The following NAV3 variants were observed in gnomAD, a reference collection of about 807,000 sequenced individuals.
NAV3 encodes neuron navigator 3.
NAV3 carries 87 observed loss-of-function variants against 244.7 expected under a neutral mutation model. The observed-to-expected ratio is 0.36, with a 90% CI of 0.30 to 0.42. The LOEUF (loss-of-function observed/expected upper bound fraction) is 0.42, where lower values mean the gene tolerates loss of function less well. Ranked by LOEUF, NAV3 falls within the 20% of genes least tolerant of loss-of-function variation. The pLI, the probability that NAV3 is intolerant of heterozygous loss-of-function variation, is 1.00. For missense variants in NAV3, 2,663 were observed against 2,893.3 expected (o/e 0.92, Z 1.83); for synonymous variants, 1,126 against 1,042.2 (o/e 1.08, Z -1.55).
intron 23 of NAV3, among the ~76,000 whole-genome samples, chr12:78,162,167 T>C (rs1029385587): frequency 6.6e-6 from 1 of 152,108 alleles, no homozygotes; most frequent in Non-Finnish European, 1.5e-5. Flanking sequence ...GGCATAACAT[T>C]TAATCATATT....
intron 1 of NAV3, among the ~76,000 whole-genome samples, chr12:77,847,787 T>C (rs948728391): frequency 2.0e-5 from 3 of 152,224 alleles, no homozygotes; most frequent in African/African-American, 7.2e-5. Context: ...GTTCTCTGCA[T>C]GTGTAGCTTG....
At chr12:78,206,854 C>CTTTTTTTTTTTTTTTTTTTTTTTT (rs10594185) in intron 39 of NAV3, among the ~76,000 whole-genome samples, 3 of 114,840 alleles carry the variant, frequency 2.6e-5, no homozygotes, top group Non-Finnish European at 3.5e-5. Context: ...TTCTTTCTTA[C>CTTTTTTTTTTTTTTTTTTTTTTTT]TTTTTTTTTT....
intron 23 of NAV3, among the ~76,000 whole-genome samples, chr12:78,164,231 T>A (rs1177161335): frequency 6.6e-6 from 1 of 152,056 alleles, no homozygotes; most frequent in African/African-American, 2.4e-5. Context: ...GAACATATGT[T>A]AAGGTATGAG....
At chr12:77,579,629 A>T (rs1311494061) in intron 2 of NAV3, among the ~76,000 whole-genome samples, 2 of 152,224 alleles carry the variant, frequency 1.3e-5, no homozygotes, top group African/African-American at 4.8e-5. Flanking sequence ...AATAATGGCA[A>T]TTAAATTTCA....
chr12:78,180,380 G>A (rs971431897), intron 29 of NAV3, among the ~76,000 whole-genome samples: 1 of 151,728 alleles, frequency 6.6e-6, no homozygotes, highest in African/African-American at 2.4e-5. Flanking sequence ...CCGATTGGAA[G>A]GAAAAAAAGA....
In NAV3 at chr12:78,197,330, T is replaced by C. The variant is rs1176695862; in HGVS notation, c.6375T>C (p.Leu2125=). The change falls in exon 35 of 40, where the codon CTT becomes CTC. Residue 2125 remains leucine, a synonymous_variant. Coordinates refer to ENST00000397909, the MANE Select transcript of NAV3 (RefSeq NM_001024383.2). Reference sequence around the variant, plus strand: ...TGGAGCTCCCAGTTGTAATAATTCTTGATAATCTTCATCATGTGGGCTCTC... The same window carrying C: ...TGGAGCTCCCAGTTGTAATAATTCTCGATAATCTTCATCATGTGGGCTCTC... The part of the protein sequence containing the change: ...NGVELPVVII[L]DNLHHVGSLS... 6.2e-7 allele frequency: 1 copy of C among 1,609,720 alleles called. No homozygotes were observed. The highest frequency in any genetic ancestry group is 1.3e-5 in the African/African-American group (1 of 74,902).
chr12:77,603,990 G>A (rs1435201532), intron 2 of NAV3, among the ~76,000 whole-genome samples: 2 of 152,096 alleles, frequency 1.3e-5, no homozygotes, highest in East Asian at 3.9e-4. Context: ...AGACAGGTTT[G>A]GAGAGTTCTT....
chr12:77,814,575 G>A (rs1872451851), intron 2 of NAV3, among the ~76,000 whole-genome samples: 1 of 152,100 alleles, frequency 6.6e-6, no homozygotes, highest in Admixed American at 6.6e-5. Flanking sequence ...GTTAAAGAAG[G>A]GCACAATAAA....
In NAV3 at chr12:77,794,626, T is replaced by C. The variant is rs192370797; in HGVS notation, c.73-145693T>C. ...CAAACGTTGCATTTTTTAAAAAAAC[T>C]AATTGAAGGTTTGTGGCAACCCTGC... On this transcript the variant is annotated intron_variant, in intron 2 of 8. Transcript: ENST00000550042. 3.9e-5 allele frequency among the ~76,000 whole-genome samples: 6 copies of C among 152,328 alleles called. No homozygotes were observed. In the East Asian group the frequency reaches 1.2e-3, roughly 29 times the overall value.
At chr12:77,755,652 T>TCCTC (rs1555201825) in intron 2 of NAV3, among the ~76,000 whole-genome samples, 1,821 of 59,524 alleles carry the variant, frequency 0.031, 375 homozygotes, top group African/African-American at 0.087. Flanking sequence ...CTTCCTTCCT[T>TCCTC]CCTTCCACTC....
At chr12:77,762,277 G>A (rs777895102) in intron 2 of NAV3, among the ~76,000 whole-genome samples, 10 of 152,052 alleles carry the variant, frequency 6.6e-5, no homozygotes, top group African/African-American at 9.7e-5. Flanking sequence ...GGGGCCTGTC[G>A]GTGGGTGGGG....
chr12:77,663,535 T>G (rs1486589434), intron 2 of NAV3, among the ~76,000 whole-genome samples: 5 of 151,784 alleles, frequency 3.3e-5, no homozygotes, highest in Admixed American at 3.3e-4. Flanking sequence ...TTTTTTTTTT[T>G]TTTGAGACAG....
chr12:77,877,375 A>T (rs1351216), intron 1 of NAV3, among the ~76,000 whole-genome samples: 13,614 of 152,122 alleles, frequency 0.089, 840 homozygotes, highest in East Asian at 0.22. Context: ...TTATTTTTAA[A>T]ATCTAAGATC....
Position 78,119,452 on chromosome 12 carries a change from A to G in NAV3, c.3256A>G (p.Ile1086Val), listed in dbSNP as rs1955570386. Residue 1086 changes from isoleucine to valine, a missense_variant, in exon 15 of 40, where the codon ATA becomes GTA. Physicochemically the swap from Ile to Val is conservative, Grantham distance 29. Transcript: ENST00000397909. The stretch of plus-strand genomic sequence containing the variant: ...CATGATCACCAGCAGTGGAGCAACC[A>G]TAACAAGTGGCTCTGCAACACTGGG... ...SAMITSSGAT[I>V]TSGSATLGKI... 21 of 1,614,098 alleles carry G rather than the reference A, an allele frequency of 1.3e-5. No individual in the cohort carries two copies. The highest frequency in any genetic ancestry group is 1.6e-5 in the Non-Finnish European group (19 of 1,180,048).
At chr12:77,938,893 T>G (rs914115567) in intron 1 of NAV3, among the ~76,000 whole-genome samples, 1 of 151,736 alleles carries the variant, frequency 6.6e-6, no homozygotes, top group Admixed American at 6.6e-5. Context: ...CAAAATAATA[T>G]GTAAAATTTG....
At chr12:77,914,874 T>C (rs1886973219) in intron 1 of NAV3, among the ~76,000 whole-genome samples, 1 of 151,888 alleles carries the variant, frequency 6.6e-6, no homozygotes, top group African/African-American at 2.4e-5. Context: ...TTTTGAGCTT[T>C]ATGCCTAATG....
At chr12:77,842,996 T>C (rs1592755806) in intron 1 of NAV3, among the ~76,000 whole-genome samples, 1 of 152,198 alleles carries the variant, frequency 6.6e-6, no homozygotes, top group East Asian at 1.9e-4. Context: ...AATGCTCACA[T>C]CTTTCATATA....
intron 1 of NAV3, among the ~76,000 whole-genome samples, chr12:77,886,043 T>C (rs1253357782): frequency 6.6e-6 from 1 of 152,146 alleles, no homozygotes; most frequent in African/African-American, 2.4e-5. Flanking sequence ...GTGTCAATTA[T>C]TATCATCTCT....
At chr12:77,913,190 A>G in intron 1 of NAV3, among the ~76,000 whole-genome samples, 1 of 152,096 alleles carries the variant, frequency 6.6e-6, no homozygotes, top group South Asian at 2.1e-4. Context: ...TCATGTACAC[A>G]GCAATTCTTT....
Sources: gnomAD v4.1 joint callset for allele counts (sites outside exome capture counted in the v4.1 genomes callset) on GRCh38, gnomAD v4.1.1 for gene constraint, MANE v1.5 for transcripts, NCBI Gene and HGNC (gene_info 2026-07-23, HGNC 2026-07-21) for gene names.